VWA3B: variants seen among roughly 807,000 people sequenced by gnomAD.
VWA3B encodes von Willebrand factor A domain-containing protein 3B.
Under a neutral mutation model 158.3 loss-of-function variants are expected in VWA3B, and 138 were observed. That is an observed-to-expected ratio of 0.87 (90% confidence interval 0.76 to 1.00). The LOEUF (loss-of-function observed/expected upper bound fraction) is 1.00. Ranked by LOEUF, VWA3B falls within the 50% of genes least tolerant of loss-of-function variation. The pLI is 0.00. For synonymous variants in VWA3B, 596 were observed against 587.3 expected, an observed-to-expected ratio of 1.01 and a Z score of -0.21; for missense variants, 1,555 against 1,565.1, an observed-to-expected ratio of 0.99 and a Z score of 0.11.
intron 7 of VWA3B, among the ~76,000 whole-genome samples, chr2:98,150,703 A>G (rs1677552761): frequency 6.6e-6 from 1 of 152,228 alleles, no homozygotes; most frequent in African/African-American, 2.4e-5. Context: ...GCCTGCCTAC[A>G]TGGTGTCTGG....
At chr2:98,209,753 G>A (rs563362721) in intron 12 of VWA3B, among the ~76,000 whole-genome samples, 2 of 152,264 alleles carry the variant, frequency 1.3e-5, no homozygotes, top group East Asian at 1.9e-4. Context: ...TTTCTCATTC[G>A]AATGTGATAT....
chr2:98,315,263 A>G (rs1440329328), downstream of VWA3B, among the ~76,000 whole-genome samples: 1 of 152,198 alleles, frequency 6.6e-6, no homozygotes, highest in East Asian at 1.9e-4. Context: ...CTTTTAGCAT[A>G]TACCAGAAGT....
At chr2:98,186,857 A>T (rs574768622) in intron 9 of VWA3B, among the ~76,000 whole-genome samples, 10 of 152,102 alleles carry the variant, frequency 6.6e-5, no homozygotes, top group African/African-American at 1.2e-4. Flanking sequence ...CCCTGGGAAG[A>T]GTCCTTTTTC....
chr2:98,268,880 C>T (rs773711592), intron 21 of VWA3B, among the ~76,000 whole-genome samples: 34 of 152,100 alleles, frequency 2.2e-4, no homozygotes, highest in Middle Eastern at 3.4e-3. Context: ...CTGTAACATA[C>T]CTAAAGAACA....
intron 1 of VWA3B, among the ~76,000 whole-genome samples, chr2:98,088,076 A>C (rs1053129627): frequency 1.3e-5 from 2 of 152,314 alleles, no homozygotes; most frequent in Middle Eastern, 3.4e-3. Context: ...TAAGGGCAGA[A>C]AAAATGGGAG....
At chr2:98,245,513 T>TGG in intron 19 of VWA3B, 2 of 455,460 alleles carry the variant, frequency 4.4e-6, no homozygotes, top group Non-Finnish European at 8.8e-6. Context: ...GGACGGAGAG[T>TGG]GGGTGCACAC....
chr2:98,290,406 TG>T, intron 22 of VWA3B, 104 bp from the exon 23 acceptor site: 6 of 821,966 alleles, frequency 7.3e-6, no homozygotes, highest in Non-Finnish European at 1.1e-5. Flanking sequence ...GAGATTTGGA[TG>T]GGGACACAGA....
At chr2:98,157,747 G>T (rs996012158) in intron 7 of VWA3B, among the ~76,000 whole-genome samples, 30 of 152,238 alleles carry the variant, frequency 2.0e-4, no homozygotes, top group Admixed American at 1.8e-3. Flanking sequence ...GGCGGGACCA[G>T]TTCTTCACCG....
chr2:98,128,198 G>A lies in VWA3B; in HGVS notation c.703-41G>A, dbSNP rs373073594. ...CTGATGAGACTAGTACCAAGCTAGG[G>A]CATGTGAGGGAGATAAACCGTTGGC... On this transcript the variant is annotated intron_variant, in intron 5 of 27. Transcript: ENST00000477737. The A allele has an allele frequency of 3.0e-5, 48 of 1,607,912 alleles. No individual in the cohort carries two copies. In the African/African-American group the frequency reaches 5.6e-4, roughly 19 times the overall value.
intron 2 of VWA3B, among the ~76,000 whole-genome samples, chr2:98,102,090 G>C (rs1683118177): frequency 6.6e-6 from 1 of 151,892 alleles, no homozygotes; most frequent in Admixed American, 6.6e-5. Context: ...TGAGCATGCT[G>C]CCTTCAAGCA....
At position 98,194,480 on chromosome 2, in the gene VWA3B, T is replaced by TAGAG. The variant is rs751400188; in HGVS notation, c.1727_1730dup (p.Asp577GlufsTer21). 10 of 1,613,742 alleles carry TAGAG rather than the reference T, an allele frequency of 6.2e-6. No homozygotes were observed. Among genetic ancestry groups the TAGAG allele is most frequent in the Middle Eastern group, 1.6e-4 (1 of 6,084 alleles). On this transcript the variant is annotated frameshift_variant, in exon 12 of 28. Coordinates refer to ENST00000477737, the MANE Select transcript of VWA3B (RefSeq NM_144992.5). LOFTEE classifies it high-confidence loss of function. ...ATTTGGAACAGGCTCAGTCCTGGAT[T>TAGAG]AGAGACATAAAGGTAAGTTGGAGAC...
intron 4 of VWA3B, among the ~76,000 whole-genome samples, chr2:98,120,259 T>C (rs942590461): frequency 3.9e-5 from 6 of 152,236 alleles, no homozygotes; most frequent in Non-Finnish European, 7.3e-5. Flanking sequence ...CAATTATTTA[T>C]GGATTCTTGG....
At position 98,229,460 on chromosome 2, in the gene VWA3B, T is replaced by C. The variant is rs929224031; in HGVS notation, c.2151-590T>C. Among the ~76,000 whole-genome samples, 2 of 152,236 alleles carry C rather than the reference T, an allele frequency of 1.3e-5. 1 individual carries two copies. Among genetic ancestry groups the C allele is most frequent in the Non-Finnish European group, 2.9e-5 (2 of 68,052 alleles). On this transcript the variant is annotated intron_variant, in intron 15 of 27. Transcript: ENST00000477737. The stretch of plus-strand genomic sequence containing the variant: ...ATTGCTCTGGAAGTTTTCCTTTGTA[T>C]GGCTGCTGTCTTCAGCGCTTCAGAG...
At chr2:98,097,082 T>C (rs966463966) in intron 2 of VWA3B, among the ~76,000 whole-genome samples, 11 of 152,138 alleles carry the variant, frequency 7.2e-5, no homozygotes, top group African/African-American at 2.7e-4. Flanking sequence ...TCAAGGAATA[T>C]TTTAATTTAA....
intron 8 of VWA3B, among the ~76,000 whole-genome samples, chr2:98,164,522 T>C (rs1012584037): frequency 3.9e-5 from 6 of 152,190 alleles, no homozygotes; most frequent in African/African-American, 1.2e-4. Flanking sequence ...TATCTCCAAC[T>C]GACAGGTGAG....
Position 98,155,699 on chromosome 2 carries a change from A to G in VWA3B, c.989-7152A>G, listed in dbSNP as rs80042293. Among the ~76,000 whole-genome samples, 460 of 152,276 alleles carry G rather than the reference A, an allele frequency of 3.0e-3. 3 individuals are homozygous for G. Among genetic ancestry groups the G allele is most frequent in the African/African-American group, 0.01 (419 of 41,560 alleles). ...ATAACATACATCTAAAATAGGTGAC[A>G]CTTAGAACCAGTAGAATGTTATGAA... On this transcript the variant is annotated intron_variant, in intron 7 of 27. Transcript: ENST00000477737.
chr2:98,306,928 A>G (rs2106009999), intron 26 of VWA3B, among the ~76,000 whole-genome samples: 1 of 152,306 alleles, frequency 6.6e-6, no homozygotes, highest in East Asian at 1.9e-4. Context: ...AGCAGAGATC[A>G]CATTCAACCT....
intron 16 of VWA3B, among the ~76,000 whole-genome samples, chr2:98,234,026 A>G (rs1210459223): frequency 2.0e-5 from 3 of 152,264 alleles, no homozygotes; most frequent in East Asian, 1.9e-4. Context: ...AGAAAATAAC[A>G]TAAGCAAAGA....
rs747904889 is a variant in VWA3B, at chr2:98,194,782, G to GT, written c.1737+300dup. On this transcript the variant is annotated intron_variant, in intron 12 of 27. Coordinates refer to ENST00000477737, the MANE Select transcript of VWA3B (RefSeq NM_144992.5). ...TTATGAAAACACATTTCAAAACAGA[G>GT]TTTTTTTTTTGTACTCAGACATTCA... 3.1e-3 allele frequency among the ~76,000 whole-genome samples: 455 copies of GT among 148,846 alleles called. 3 individuals are homozygous for GT. The highest frequency in any genetic ancestry group is 5.0e-3 in the Non-Finnish European group (334 of 66,894).
Sources: allele counts gnomAD v4.1 joint callset (sites outside exome capture counted in the v4.1 genomes callset), GRCh38; gene constraint gnomAD v4.1.1; transcripts MANE v1.5; gene names NCBI Gene and HGNC (gene_info 2026-07-23, HGNC 2026-07-21).